The following PTPRH variants were observed in gnomAD, a reference collection of about 807,000 sequenced individuals.
PTPRH encodes protein tyrosine phosphatase receptor type H.
PTPRH carries 113 observed loss-of-function variants against 130.2 expected under a neutral mutation model. The ratio of observed to expected loss-of-function variants is 0.87; its 90% CI spans 0.75 to 1.01. The LOEUF is 1.01. PTPRH is among the 50% of genes least tolerant of loss of function. PTPRH has a pLI of 0.00. For missense variants in PTPRH, 1,430 were observed against 1,425.0 expected (o/e 1.00, Z -0.06); for synonymous variants, 556 against 577.9 (o/e 0.96, Z 0.54).
At chr19:55,191,354 C>T (rs2086529016) in intron 12 of PTPRH, 147 bp downstream of exon 12, 26 of 905,520 alleles carry the variant, frequency 2.9e-5, no homozygotes, top group Admixed American at 2.6e-4. Flanking sequence ...ATGGAAGGGC[C>T]GTGGTCCCTG....
chr19:55,188,467 C>T (rs1045259382), intron 12 of PTPRH, among the ~76,000 whole-genome samples: 2 of 152,132 alleles, frequency 1.3e-5, no homozygotes, highest in African/African-American at 2.4e-5. Context: ...GAACCGAGAT[C>T]GCACCACTGC....
rs1409949854 is a variant in PTPRH at position 55,188,130 on chromosome 19, T to C, written c.2423A>G (p.His808Arg). The C allele has an allele frequency of 6.2e-7, 1 of 1,613,910 alleles. No homozygotes were observed. The highest frequency in any genetic ancestry group is 1.1e-5 in the South Asian group (1 of 91,080). ...GCTGTCCCTCTCATTCTTCCTGACG[T>C]GGTCAGCGAAGTCTTCAGCTGGGAT... Reference protein sequence around the residue: ...GDIPAEDFADHVRKNERDSNC... With the variant: ...GDIPAEDFADRVRKNERDSNC... The change falls in exon 13 of 20, where the codon CAC (histidine) becomes CGC (arginine). Residue 808 changes from histidine to arginine, a missense_variant. Coordinates refer to ENST00000376350, the MANE Select transcript of PTPRH (RefSeq NM_002842.5).
intron 10 of PTPRH, among the ~76,000 whole-genome samples, chr19:55,194,501 T>C (rs1036467353): frequency 6.6e-6 from 1 of 152,126 alleles, no homozygotes; most frequent in Non-Finnish European, 1.5e-5. Flanking sequence ...GGTCACCACA[T>C]CAACCCTCAG....
chr19:55,182,293 A>C, intron 18 of PTPRH, 142 bp from the exon 19 acceptor site: 1 of 1,033,780 alleles, frequency 9.7e-7, no homozygotes, highest in Non-Finnish European at 1.4e-6. Flanking sequence ...TGGGAGGCTG[A>C]GGCCGGTGGA....
Position 55,191,737 on chromosome 19 carries a change from G to A in PTPRH, c.2262C>T (p.Val754=). 1 of 1,613,688 alleles carries A rather than the reference G, an allele frequency of 6.2e-7. No homozygotes were observed. The highest frequency in any genetic ancestry group is 8.5e-7 in the Non-Finnish European group (1 of 1,179,728). ...SVVCHTESAG[V]IAGAFVGILL... is the part of the protein sequence containing the mutation. ...GGATGCCCACAAAGGCTCCGGCAATGACCCCTGTGGGGAGGAGGCATCGGG... is the reference window on the plus strand; with the variant it reads ...GGATGCCCACAAAGGCTCCGGCAATAACCCCTGTGGGGAGGAGGCATCGGG... The change falls in exon 11 of 20, where the codon GTC becomes GTT. Residue 754 remains valine (V), a synonymous_variant. Coordinates refer to ENST00000376350, the MANE Select transcript of PTPRH (RefSeq NM_002842.5).
rs1600084589 is a variant in PTPRH at position 55,206,815 on chromosome 19, T to C, written c.226A>G (p.Thr76Ala). Reference protein sequence around the residue: ...QCTGDGGTTETRNTTATNVTV... With the variant: ...QCTGDGGTTEARNTTATNVTV... ...ACGTTGGTGGCTGTTGTGTTTCGAGTCTCTGTTGTGCCGCCGTCTCCAGTA... is the reference window on the plus strand; with the variant it reads ...ACGTTGGTGGCTGTTGTGTTTCGAGCCTCTGTTGTGCCGCCGTCTCCAGTA... Residue 76 changes from threonine to alanine, a missense_variant, in exon 3 of 20, where the codon ACT becomes GCT. Thr to Ala is a moderately conservative substitution (Grantham distance 58). Coordinates refer to ENST00000376350, the MANE Select transcript of PTPRH (RefSeq NM_002842.5). 6.2e-7 allele frequency: 1 copy of C among 1,613,968 alleles called. No homozygotes were observed. The highest frequency in any genetic ancestry group is 8.5e-7 in the Non-Finnish European group (1 of 1,179,992).
At position 55,196,584 on chromosome 19, in the gene PTPRH, G is replaced by A. The variant is rs138080428; in HGVS notation, c.2195C>T (p.Thr732Met). 520 of 1,613,820 alleles carry A rather than the reference G, an allele frequency of 3.2e-4. No individual in the cohort carries two copies. Among genetic ancestry groups the A allele is most frequent in the Middle Eastern group, 2.5e-3 (15 of 6,056 alleles). ...GPARSYPATITTIWDGMKVVS... is the reference protein window; with the variant it reads ...GPARSYPATIMTIWDGMKVVS... ...GACCTTCATTCCGTCCCAGATGGTCGTGATGGTGGCTGGGTAGGACCGAGC... is the reference window on the plus strand; with the variant it reads ...GACCTTCATTCCGTCCCAGATGGTCATGATGGTGGCTGGGTAGGACCGAGC... Residue 732 changes from threonine (T) to methionine (M), a missense_variant, in exon 10 of 20, where the codon ACG (threonine) becomes ATG (methionine). Thr to Met is a moderately conservative substitution (Grantham distance 81). Transcript: ENST00000376350.
Position 55,185,880 on chromosome 19 carries a change from C to T in PTPRH, c.2883G>A (p.Arg961=), listed in dbSNP as rs2086306075. 1.2e-6 allele frequency: 2 copies of T among 1,614,140 alleles called. No individual in the cohort carries two copies. Among genetic ancestry groups the T allele is most frequent in the African/African-American group, 2.7e-5 (2 of 75,022 alleles). The change falls in exon 17 of 20, where the codon CGG becomes CGA. Residue 961 remains arginine, a synonymous_variant. Coordinates refer to ENST00000376350, the MANE Select transcript of PTPRH (RefSeq NM_002842.5). ...GEEVMENWTV[R]ELLLLQVEEQ... The stretch of plus-strand genomic sequence containing the variant: ...CACGCACCTGGAGGAGCAGCAGTTC[C>T]CGCACCGTCCAGTTCTCCATCACTT...
At position 55,203,825 on chromosome 19, in the gene PTPRH, T is replaced by C. The variant is rs1040380440; in HGVS notation, c.843A>G (p.Lys281=). ...SLYTCSVWVE[K]DGVNSSVEIV... is the part of the protein sequence containing the mutation. ...TCTCCACAGAGCTATTTACTCCGTC[T>C]TTCTCCACCCACACAGAACACGTAT... Residue 281 remains lysine, a synonymous_variant, in exon 5 of 20, where the codon AAA becomes AAG. Transcript: ENST00000376350. 19 of 1,613,482 alleles carry C rather than the reference T, an allele frequency of 1.2e-5. No individual in the cohort carries two copies. Among genetic ancestry groups the C allele is most frequent in the Non-Finnish European group, 1.4e-5 (17 of 1,179,562 alleles).
chr19:55,204,807 A>G (rs1033798944), intron 4 of PTPRH, among the ~76,000 whole-genome samples: 11 of 152,218 alleles, frequency 7.2e-5, no homozygotes, highest in Admixed American at 5.9e-4. Flanking sequence ...GGGCTTTCAA[A>G]CATATGAAAT....
At chr19:55,194,139 C>T (rs183246783) in intron 10 of PTPRH, 562 of 1,287,246 alleles carry the variant, frequency 4.4e-4, no homozygotes, top group Middle Eastern at 1.2e-3. Flanking sequence ...CGTGAGCCAC[C>T]GCGCCTGGCT....
rs768918412 is a variant in PTPRH, at chr19:55,182,024, G to A, written c.3190C>T (p.Gln1064Ter). The change falls in exon 19 of 20, where the codon CAG (glutamine) becomes TAG (stop). Residue 1064 changes from glutamine (Q) to a stop codon, truncating the protein, a stop_gained. Coordinates refer to ENST00000376350, the MANE Select transcript of PTPRH (RefSeq NM_002842.5). LOFTEE classifies it low-confidence loss of function (END_TRUNC). ...CTGAGGGACTGCCTCACCTCAGTCT[G>A]CACCATCAACGGCCGACTCTCTCTC... ...KMRESRPLMV[Q>*]TEAQYVFLHQ... The A allele has an allele frequency of 4.3e-6, 7 of 1,613,990 alleles. No individual in the cohort carries two copies. Among genetic ancestry groups the A allele is most frequent in the South Asian group, 3.3e-5 (3 of 91,080 alleles).
chr19:55,184,805 T>TAATAAAATAA (rs1468994145), intron 18 of PTPRH, among the ~76,000 whole-genome samples: 1 of 150,652 alleles, frequency 6.6e-6, no homozygotes, highest in African/African-American at 2.4e-5. Flanking sequence ...TAAAATAAAA[T>TAATAAAATAA]AATAAAATAA....
chr19:55,209,345 C>T lies in PTPRH; in HGVS notation c.51+38G>A, dbSNP rs923100131. The T allele has an allele frequency of 6.4e-7, 1 of 1,551,600 alleles. No individual in the cohort carries two copies. The highest frequency in any genetic ancestry group is 8.7e-7 in the Non-Finnish European group (1 of 1,145,362). ...TCCTTCTCCCTCAGACCTGGGAGTC[C>T]CTGCCTTGGGAGCCCGCTCTGGGCG... On this transcript the variant is annotated intron_variant, in intron 1 of 19. Coordinates refer to ENST00000376350, the MANE Select transcript of PTPRH (RefSeq NM_002842.5). This position sits in a 1 kb window ranked among gnomAD's most constrained non-coding sequence, Gnocchi z 4.1.
intron 14 of PTPRH, among the ~76,000 whole-genome samples, chr19:55,187,146 C>A (rs550881902): frequency 1.3e-5 from 2 of 150,426 alleles, no homozygotes; most frequent in East Asian, 4.0e-4. Flanking sequence ...GAGATCGAGA[C>A]CATCCTGGCT....
chr19:55,209,125 G>T lies in PTPRH; in HGVS notation c.51+258C>A, dbSNP rs2087162680. On this transcript the variant is annotated intron_variant, in intron 1 of 19. Coordinates refer to ENST00000376350, the MANE Select transcript of PTPRH (RefSeq NM_002842.5). This position sits in a 1 kb window ranked among gnomAD's most constrained non-coding sequence, Gnocchi z 4.1. ...GACAGTGTCTAAGGGCCCGGGTGAA[G>T]CTGGTGTCCCCCACAACAGACACGA... Among the ~76,000 whole-genome samples the T allele has an allele frequency of 6.6e-6, 1 of 151,806 alleles. No individual in the cohort carries two copies. Among genetic ancestry groups the T allele is most frequent in the Admixed American group, 6.6e-5 (1 of 15,234 alleles).
rs187289388 is a variant in PTPRH at position 55,203,846 on chromosome 19, C to T, written c.822G>A (p.Thr274=). 2.7e-5 allele frequency: 43 copies of T among 1,614,182 alleles called. No homozygotes were observed. The East Asian group carries it at 3.3e-4, about 13-fold the overall frequency. The change falls in exon 5 of 20, where the codon ACG becomes ACA. Residue 274 remains threonine (T), a synonymous_variant. Coordinates refer to ENST00000376350, the MANE Select transcript of PTPRH (RefSeq NM_002842.5). The part of the protein sequence containing the change: ...VDGLGPGSLY[T]CSVWVEKDGV... ...CGTCTTTCTCCACCCACACAGAACA[C>T]GTATACAATGACCCGGGTCCAAGGC...
At chr19:55,186,572 A>T (rs745927408) in intron 14 of PTPRH, 32 bp from the exon 15 acceptor site, 18 of 1,609,156 alleles carry the variant, frequency 1.1e-5, no homozygotes, top group Non-Finnish European at 1.5e-5. Context: ...AGCCAGGCAG[A>T]GAGACCCAGA....
In PTPRH at chr19:55,181,817, C is replaced by A; in HGVS notation, c.3285G>T (p.Glu1095Asp). 6.2e-7 allele frequency: 1 copy of A among 1,614,190 alleles called. No individual in the cohort carries two copies. Among genetic ancestry groups the A allele is most frequent in the Non-Finnish European group, 8.5e-7 (1 of 1,180,040 alleles). ...QAPAEKEVPY[E>D]DVENLIYENV... ...TCTCGTAGATGAGGTTTTCGACATC[C>A]TCATACGGGACTTCCTTCTCGGCTG... is the stretch of plus-strand genomic sequence containing the variant. The change falls in exon 20 of 20, where the codon GAG (glutamate) becomes GAT (aspartate). Residue 1095 changes from glutamate to aspartate, a missense_variant. Coordinates refer to ENST00000376350, the MANE Select transcript of PTPRH (RefSeq NM_002842.5).
Sources: allele counts gnomAD v4.1 joint callset (sites outside exome capture counted in the v4.1 genomes callset), GRCh38; gene constraint gnomAD v4.1.1; non-coding constraint Gnocchi (gnomAD v3.1); transcripts MANE v1.5; gene names NCBI Gene and HGNC (gene_info 2026-07-23, HGNC 2026-07-21).